ADAMTS2: variants seen among roughly 807,000 people sequenced by gnomAD.
ADAMTS2 encodes the protein ADAM metallopeptidase with thrombospondin type 1 motif 2, also known as A disintegrin and metalloproteinase with thrombospondin motifs 2.
A neutral mutation model predicts 123.0 loss-of-function variants in ADAMTS2; 50 were observed. The ratio of observed to expected loss-of-function variants is 0.41; its 90% confidence interval spans 0.32 to 0.51. The LOEUF (loss-of-function observed/expected upper bound fraction) is 0.51, where lower values mean the gene tolerates loss of function less well. ADAMTS2 is among the 20% of genes least tolerant of loss of function. The pLI is 0.35. For synonymous variants in ADAMTS2, 678 were observed against 695.4 expected (o/e 0.98, Z 0.39); for missense variants, 1,494 against 1,705.2 (o/e 0.88, Z 2.18).
In ADAMTS2 at chr5:179,175,995, C is replaced by T. The variant is rs28542817; in HGVS notation, c.975+5077G>A. ...ATGCACAGCTCCACAGGAAAGTCTC[C>T]GGGAAATTTCACCCCCAGGAATGCC... On this transcript the variant is annotated intron_variant, in intron 5 of 21. Transcript: ENST00000251582. The surrounding 1 kb of genome is among the most constrained non-coding windows in gnomAD (Gnocchi z 4.1). Among the ~76,000 whole-genome samples, 1,549 of 152,114 alleles carry T rather than the reference C, an allele frequency of 0.01. 22 individuals carry two copies. The highest frequency in any genetic ancestry group is 0.034 in the African/African-American group (1,394 of 41,492).
At chr5:179,276,749 C>A (rs566823486) in intron 2 of ADAMTS2, among the ~76,000 whole-genome samples, 2 of 152,284 alleles carry the variant, frequency 1.3e-5, no homozygotes, top group South Asian at 4.2e-4. Flanking sequence ...CAGACTGGGC[C>A]GATTGAGCCA....
intron 4 of ADAMTS2, among the ~76,000 whole-genome samples, chr5:179,204,902 G>C (rs1035957864): frequency 2.0e-5 from 3 of 152,226 alleles, no homozygotes; most frequent in Non-Finnish European, 4.4e-5. Context: ...CAACACGTTT[G>C]CTGAATGAAT....
At chr5:179,300,604 C>T (rs550426003) in intron 2 of ADAMTS2, among the ~76,000 whole-genome samples, 1 of 152,242 alleles carries the variant, frequency 6.6e-6, no homozygotes, top group East Asian at 1.9e-4. Context: ...CAAGCCAGAC[C>T]CCCCTTCACT....
At chr5:179,281,667 T>G (rs1766915091) in intron 2 of ADAMTS2, among the ~76,000 whole-genome samples, 1 of 152,254 alleles carries the variant, frequency 6.6e-6, no homozygotes, top group Non-Finnish European at 1.5e-5. Context: ...CAAGTTTTTG[T>G]GTGGACATGT....
At chr5:179,292,974 AGGAGCTACGCT>A (rs1756228767) in intron 2 of ADAMTS2, among the ~76,000 whole-genome samples, 1 of 152,326 alleles carries the variant, frequency 6.6e-6, no homozygotes, top group South Asian at 2.1e-4. Context: ...AGAGGTTGTC[AGGAGCTACGCT>A]GGCCGGTCCC....
At chr5:179,177,994 T>C (rs1763966821) in intron 5 of ADAMTS2, among the ~76,000 whole-genome samples, 1 of 152,092 alleles carries the variant, frequency 6.6e-6, no homozygotes, top group Non-Finnish European at 1.5e-5. Flanking sequence ...TGGGGGAAAA[T>C]GCAAGCCGCC....
intron 2 of ADAMTS2, among the ~76,000 whole-genome samples, chr5:179,299,334 C>T (rs1396281072): frequency 7.9e-5 from 5 of 63,082 alleles, no homozygotes; most frequent in Admixed American, 4.1e-4. Flanking sequence ...TGGAGACCAT[C>T]CTGGCTAACA....
chr5:179,315,440 G>A (rs1023545100), intron 2 of ADAMTS2, among the ~76,000 whole-genome samples: 14 of 152,368 alleles, frequency 9.2e-5, no homozygotes, highest in African/African-American at 3.1e-4. Context: ...CCCAGGTCAG[G>A]AAACAGAGCT....
At chr5:179,167,802 G>C (rs931478107) in intron 5 of ADAMTS2, among the ~76,000 whole-genome samples, 1 of 152,234 alleles carries the variant, frequency 6.6e-6, no homozygotes, top group South Asian at 2.1e-4. Flanking sequence ...TCCGAGCTTG[G>C]AGCTGGGGGG....
At chr5:179,163,366 T>C (rs1200239939) in intron 5 of ADAMTS2, among the ~76,000 whole-genome samples, 1 of 152,150 alleles carries the variant, frequency 6.6e-6, no homozygotes, top group Non-Finnish European at 1.5e-5. Flanking sequence ...CAAACCCAGG[T>C]GCCCAGGCAC....
At chr5:179,229,145 A>T (rs1765352278) in intron 3 of ADAMTS2, among the ~76,000 whole-genome samples, 1 of 152,242 alleles carries the variant, frequency 6.6e-6, no homozygotes, top group African/African-American at 2.4e-5. Context: ...GGCCCAGAGA[A>T]GCCAAGGAAG....
intron 2 of ADAMTS2, among the ~76,000 whole-genome samples, chr5:179,316,137 C>A (rs1185604854): frequency 1.3e-5 from 2 of 152,188 alleles, no homozygotes; most frequent in Non-Finnish European, 2.9e-5. Flanking sequence ...AGGGAGGCAG[C>A]AGGCAGACAT....
At chr5:179,329,731 A>T (rs1757429803) in intron 2 of ADAMTS2, among the ~76,000 whole-genome samples, 1 of 152,208 alleles carries the variant, frequency 6.6e-6, no homozygotes, top group East Asian at 1.9e-4. Flanking sequence ...CTCTGCAAAT[A>T]TAAACCCACC....
intron 2 of ADAMTS2, among the ~76,000 whole-genome samples, chr5:179,279,575 G>A (rs76885140): frequency 0.042 from 6,331 of 152,304 alleles, 186 homozygotes; most frequent in Non-Finnish European, 0.066. Flanking sequence ...TTCCCAGGGC[G>A]CCTCCTCTCA....
rs750445459 is a variant in ADAMTS2, at chr5:179,129,890, C to T, written c.2457+42G>A. 6.2e-7 allele frequency: 1 copy of T among 1,611,132 alleles called. No individual in the cohort carries two copies. Among genetic ancestry groups the T allele is most frequent in the East Asian group, 2.2e-5 (1 of 44,840 alleles). On this transcript the variant is annotated intron_variant, in intron 16 of 21. Coordinates refer to ENST00000251582, the MANE Select transcript of ADAMTS2 (RefSeq NM_014244.5). The surrounding 1 kb of genome is among the most constrained non-coding windows in gnomAD (Gnocchi z 4.1). ...GGCACCCCCATCCCTCCCCCAGTGGCCACCCGCACCCTTCCCTGGGCCCAG... is the reference window on the plus strand; with the variant it reads ...GGCACCCCCATCCCTCCCCCAGTGGTCACCCGCACCCTTCCCTGGGCCCAG...
intron 10 of ADAMTS2, among the ~76,000 whole-genome samples, chr5:179,141,495 T>G (rs961447859): frequency 2.0e-5 from 3 of 152,114 alleles, no homozygotes; most frequent in Non-Finnish European, 4.4e-5. Context: ...CGAAAATTAG[T>G]TTTTAAAAAG....
chr5:179,321,279 C>G (rs1757164587), intron 2 of ADAMTS2, among the ~76,000 whole-genome samples: 1 of 152,184 alleles, frequency 6.6e-6, no homozygotes. Flanking sequence ...CACGTAAACA[C>G]TGCACTCACA....
At chr5:179,273,417 G>A (rs1322994050) in intron 2 of ADAMTS2, among the ~76,000 whole-genome samples, 2 of 152,238 alleles carry the variant, frequency 1.3e-5, no homozygotes, top group East Asian at 3.9e-4. Flanking sequence ...CCCCAGGAGG[G>A]CATCCACCAA....
Position 179,267,115 on chromosome 5 carries a change from C to T in ADAMTS2, c.688+5796G>A, listed in dbSNP as rs538107378. 1.3e-4 allele frequency among the ~76,000 whole-genome samples: 20 copies of T among 152,244 alleles called. No individual in the cohort carries two copies. In the South Asian group the frequency reaches 3.9e-3, roughly 30 times the overall value. ...GGGGAACTGTCATGCCTGAGGTCCGCCCCCACCCCCGCCGCCCACTCTTCC... is the reference window on the plus strand; with the variant it reads ...GGGGAACTGTCATGCCTGAGGTCCGTCCCCACCCCCGCCGCCCACTCTTCC... On this transcript the variant is annotated intron_variant, in intron 3 of 21. Transcript: ENST00000251582.
Sources: gnomAD v4.1 joint callset for allele counts (sites outside exome capture counted in the v4.1 genomes callset) on GRCh38, gnomAD v4.1.1 for gene constraint, Gnocchi (gnomAD v3.1) non-coding constraint, MANE v1.5 for transcripts, NCBI Gene and HGNC (gene_info 2026-07-23, HGNC 2026-07-21) for gene names.